The following RSF1 variants were observed in gnomAD, a reference collection of about 807,000 sequenced individuals.
RSF1 encodes remodeling and spacing factor 1.
RSF1 carries 13 observed loss-of-function variants against 145.2 expected under a neutral mutation model. That is an observed-to-expected ratio of 0.09 (90% CI 0.06 to 0.14). The LOEUF is 0.14. RSF1 is among the 10% of genes least tolerant of loss of function. The pLI is 1.00. For missense variants in RSF1, 1,517 were observed against 1,718.2 expected, an observed-to-expected ratio of 0.88 and a Z score of 2.07; for synonymous variants, 577 against 592.6, an observed-to-expected ratio of 0.97 and a Z score of 0.38.
chr11:77,745,401 G>A (rs901700981), intron 3 of RSF1, among the ~76,000 whole-genome samples: 2 of 151,804 alleles, frequency 1.3e-5, no homozygotes, highest in African/African-American at 4.8e-5. Flanking sequence ...TATGGCCATC[G>A]ATTGCTATGA....
chr11:77,747,782 A>C (rs1948017329), intron 2 of RSF1, among the ~76,000 whole-genome samples: 1 of 152,198 alleles, frequency 6.6e-6, no homozygotes. Context: ...CCTAAACTAG[A>C]GGTCAGAGGA....
At chr11:77,678,810 G>C (rs1167488402) in intron 11 of RSF1, among the ~76,000 whole-genome samples, 1 of 152,098 alleles carries the variant, frequency 6.6e-6, no homozygotes, top group Non-Finnish European at 1.5e-5. Context: ...CCGTGATTAA[G>C]AACACCCTAG....
intron 1 of RSF1, among the ~76,000 whole-genome samples, chr11:77,790,559 A>G (rs974136331): frequency 6.6e-6 from 1 of 152,192 alleles, no homozygotes; most frequent in Non-Finnish European, 1.5e-5. Flanking sequence ...TCAGGAGTCC[A>G]CAGTCCAAAG....
At chr11:77,743,172 T>C (rs1445527640) in intron 3 of RSF1, among the ~76,000 whole-genome samples, 1 of 152,222 alleles carries the variant, frequency 6.6e-6, no homozygotes, top group Admixed American at 6.5e-5. Flanking sequence ...TCAGGTAGTA[T>C]GATGCCTCCA....
intron 9 of RSF1, among the ~76,000 whole-genome samples, chr11:77,689,902 G>A (rs1302232086): frequency 2.0e-5 from 3 of 152,106 alleles, no homozygotes; most frequent in Non-Finnish European, 2.9e-5. Flanking sequence ...AGTGGCTCAC[G>A]CCTGTAATCC....
chr11:77,797,716 T>C (rs754829298), intron 1 of RSF1, among the ~76,000 whole-genome samples: 1 of 151,966 alleles, frequency 6.6e-6, no homozygotes, highest in Non-Finnish European at 1.5e-5. Flanking sequence ...ATCATCAGAG[T>C]GAACAGGCAA....
chr11:77,782,640 A>C (rs1257339003), intron 1 of RSF1, among the ~76,000 whole-genome samples: 1 of 152,210 alleles, frequency 6.6e-6, no homozygotes, highest in Non-Finnish European at 1.5e-5. Flanking sequence ...CAATGTTTCT[A>C]CATTTGAAAA....
chr11:77,786,700 C>T (rs1222102700), intron 1 of RSF1, among the ~76,000 whole-genome samples: 1 of 151,996 alleles, frequency 6.6e-6, no homozygotes, highest in Non-Finnish European at 1.5e-5. Flanking sequence ...GTGGGCTCAC[C>T]CTCCTGCCCA....
chr11:77,853,349 G>T, the RSF1 span, among the ~76,000 whole-genome samples: 1 of 152,146 alleles, frequency 6.6e-6, no homozygotes, highest in Non-Finnish European at 1.5e-5. Flanking sequence ...GAGGCCTCAG[G>T]AAACTTACAA....
At chr11:77,726,145 A>G (rs1160875853) in intron 4 of RSF1, among the ~76,000 whole-genome samples, 1 of 152,232 alleles carries the variant, frequency 6.6e-6, no homozygotes, top group East Asian at 1.9e-4. Flanking sequence ...CTGCTACAAA[A>G]TTAAGATCCA....
chr11:77,801,774 A>C (rs760479571), intron 1 of RSF1, among the ~76,000 whole-genome samples: 1 of 152,058 alleles, frequency 6.6e-6, no homozygotes, highest in Non-Finnish European at 1.5e-5. Context: ...AGAGCCTGGA[A>C]CTTTCAGCCC....
At chr11:77,767,162 G>A (rs540306675) in intron 1 of RSF1, among the ~76,000 whole-genome samples, 44 of 152,132 alleles carry the variant, frequency 2.9e-4, no homozygotes, top group Non-Finnish European at 4.1e-4. Context: ...ACTGTATAGC[G>A]TTGTATAAAT....
intron 3 of RSF1, among the ~76,000 whole-genome samples, chr11:77,745,945 A>G (rs1439711622): frequency 6.6e-6 from 1 of 151,976 alleles, no homozygotes; most frequent in Non-Finnish European, 1.5e-5. Flanking sequence ...TATTATATCC[A>G]CTTTCTTATG....
At chr11:77,861,407 T>C in the RSF1 span, among the ~76,000 whole-genome samples, 1 of 151,890 alleles carries the variant, frequency 6.6e-6, no homozygotes, top group Non-Finnish European at 1.5e-5. Flanking sequence ...GACAGGAGAG[T>C]AAGACTGAGA....
At chr11:77,788,921 C>T (rs1420449777) in intron 1 of RSF1, among the ~76,000 whole-genome samples, 2 of 152,124 alleles carry the variant, frequency 1.3e-5, no homozygotes, top group African/African-American at 4.8e-5. Context: ...GGCCATAGTT[C>T]CAGCTACTTG....
At chr11:77,828,891 A>G in the RSF1 span, among the ~76,000 whole-genome samples, 1 of 152,204 alleles carries the variant, frequency 6.6e-6, no homozygotes, top group Admixed American at 6.5e-5. Flanking sequence ...ACTAATATGG[A>G]AATTCAGAGA....
intron 4 of RSF1, among the ~76,000 whole-genome samples, chr11:77,729,370 AAC>A (rs1961139393): frequency 6.6e-6 from 1 of 152,162 alleles, no homozygotes; most frequent in Non-Finnish European, 1.5e-5. Flanking sequence ...ACTTTGACTT[AAC>A]CAGATTCTAA....
intron 4 of RSF1, among the ~76,000 whole-genome samples, chr11:77,734,286 ATAT>A (rs748853722): frequency 1.4e-5 from 2 of 145,106 alleles, no homozygotes; most frequent in African/African-American, 5.4e-5. Flanking sequence ...ACATATATTT[ATAT>A]TATTATTATT....
At chr11:77,755,478 T>C (rs957632176) in intron 2 of RSF1, among the ~76,000 whole-genome samples, 6 of 152,322 alleles carry the variant, frequency 3.9e-5, no homozygotes, top group Non-Finnish European at 7.4e-5. Flanking sequence ...ATAAAGATGA[T>C]GGTATGTATC....
Sources: allele counts gnomAD v4.1 joint callset (sites outside exome capture counted in the v4.1 genomes callset), GRCh38; gene constraint gnomAD v4.1.1; transcripts MANE v1.5; gene names NCBI Gene and HGNC (gene_info 2026-07-23, HGNC 2026-07-21).